The following FMN1 variants were observed in gnomAD, a reference collection of about 807,000 sequenced individuals.
FMN1 encodes formin 1.
A neutral mutation model predicts 132.4 loss-of-function variants in FMN1; 110 were observed. The observed-to-expected ratio is 0.83, with a 90% CI of 0.71 to 0.97. FMN1 has a LOEUF of 0.97. FMN1 is among the 50% of genes least tolerant of loss of function. The pLI is 0.00. For synonymous variants in FMN1, 722 were observed against 651.7 expected (o/e 1.11, Z -1.64); for missense variants, 1,792 against 1,705.3 (o/e 1.05, Z -0.90).
intron 4 of FMN1, chr15:33,106,274 C>CCACACACA (rs10538020): frequency 6.7e-6 from 1 of 149,372 alleles, no homozygotes; most frequent in African/African-American, 2.5e-5. Context: ...TAACCAGAAT[C>CCACACACA]CACACACACA....
chr15:33,081,352 T>C (rs1442962111), intron 5 of FMN1, among the ~76,000 whole-genome samples: 3 of 152,160 alleles, frequency 2.0e-5, no homozygotes, highest in African/African-American at 7.2e-5. Flanking sequence ...TTGGGGTACG[T>C]GTGATATTTT....
At chr15:33,075,404 G>C (rs2038168945) in intron 5 of FMN1, among the ~76,000 whole-genome samples, 1 of 152,088 alleles carries the variant, frequency 6.6e-6, no homozygotes, top group Admixed American at 6.6e-5. Flanking sequence ...ATGCACTTGG[G>C]CAGAAGGACT....
intron 9 of FMN1, among the ~76,000 whole-genome samples, chr15:32,942,777 A>T (rs1195233802): frequency 6.6e-6 from 1 of 152,206 alleles, no homozygotes; most frequent in Non-Finnish European, 1.5e-5. Context: ...GAGCCTGGCA[A>T]ATAAGCAGAG....
chr15:33,051,583 C>G (rs1170522861), intron 6 of FMN1, among the ~76,000 whole-genome samples: 1 of 152,102 alleles, frequency 6.6e-6, no homozygotes, highest in Non-Finnish European at 1.5e-5. Context: ...CAGCAGCTTC[C>G]TAGTAAGATC....
Position 32,767,762 on chromosome 15 carries a change from G to A in FMN1, c.*6548C>T, listed in dbSNP as rs976273144. 4.6e-5 allele frequency: 7 copies of A among 152,112 alleles called. No individual in the cohort carries two copies. The highest frequency in any genetic ancestry group is 1.0e-4 in the Non-Finnish European group (7 of 68,036). The allele number at this position is 152,112 out of a possible 1,614,324, so 9.4% of individuals were successfully genotyped here. A position where few individuals can be genotyped will look rare whatever the true frequency, so the allele number is the denominator to read the frequency against. Reference sequence around the variant, plus strand: ...CACAATTATAAATTTAATAATTTTGGAGTAGACCTATCCCTTAGGTAGATC... The same window carrying A: ...CACAATTATAAATTTAATAATTTTGAAGTAGACCTATCCCTTAGGTAGATC... On this transcript the variant is annotated 3_prime_UTR_variant, in exon 21 of 21. Transcript: ENST00000616417.
intron 5 of FMN1, among the ~76,000 whole-genome samples, chr15:33,074,483 C>T (rs193219049): frequency 7.5e-4 from 114 of 152,278 alleles, no homozygotes; most frequent in African/African-American, 2.6e-3. Context: ...CTTGCAAGGA[C>T]TGTGATTAAG....
At chr15:32,835,072 C>A (rs1046959689) in intron 17 of FMN1, among the ~76,000 whole-genome samples, 2 of 152,160 alleles carry the variant, frequency 1.3e-5, no homozygotes, top group African/African-American at 4.8e-5. Context: ...GGAAGCAGAG[C>A]AACATCAGAA....
chr15:33,026,007 A>G (rs1176793367), intron 6 of FMN1, among the ~76,000 whole-genome samples: 1 of 152,104 alleles, frequency 6.6e-6, no homozygotes, highest in African/African-American at 2.4e-5. Flanking sequence ...TAAAACTGGT[A>G]ATGTTTACAA....
At chr15:32,827,973 A>G (rs1265893067) in intron 17 of FMN1, among the ~76,000 whole-genome samples, 2 of 152,036 alleles carry the variant, frequency 1.3e-5, no homozygotes, top group Non-Finnish European at 2.9e-5. Context: ...TATTCACACA[A>G]CTGAATAATG....
intron 6 of FMN1, among the ~76,000 whole-genome samples, chr15:33,024,278 G>A (rs919864136): frequency 1.5e-4 from 18 of 117,324 alleles, no homozygotes; most frequent in African/African-American, 5.7e-4. Context: ...GTGGAGTCTC[G>A]CTCTGTCGCC....
chr15:33,035,104 C>T (rs1285354847), intron 6 of FMN1, among the ~76,000 whole-genome samples: 1 of 152,062 alleles, frequency 6.6e-6, no homozygotes, highest in Non-Finnish European at 1.5e-5. Flanking sequence ...ATTCAGGTGT[C>T]AACATATTTT....
At chr15:32,932,796 T>C (rs940080691) in intron 9 of FMN1, among the ~76,000 whole-genome samples, 15 of 152,208 alleles carry the variant, frequency 9.9e-5, no homozygotes, top group Admixed American at 9.8e-4. Flanking sequence ...TAATTGTTCA[T>C]AGTAGGTTCT....
At chr15:32,986,047 CAA>C (rs2033048059) in intron 7 of FMN1, among the ~76,000 whole-genome samples, 1 of 151,976 alleles carries the variant, frequency 6.6e-6, no homozygotes, top group Non-Finnish European at 1.5e-5. Flanking sequence ...CGCTGAGCAA[CAA>C]AAAGAGCCTT....
rs138910688 is a variant in FMN1 at position 32,845,535 on chromosome 15, G to A, written c.3928+11480C>T. Among the ~76,000 whole-genome samples, 561 of 152,206 alleles carry A rather than the reference G, an allele frequency of 3.7e-3. 12 individuals carry two copies. The highest frequency in any genetic ancestry group is 0.031 in the Admixed American group (475 of 15,292). On this transcript the variant is annotated intron_variant, in intron 17 of 20. Coordinates refer to ENST00000616417, the MANE Select transcript of FMN1 (RefSeq NM_001277313.2). ...CCTGGGACTCAAAAGAAACCAAGTG[G>A]TTCTCTAAGTTAGTAGGATGGCACA...
At chr15:32,858,149 G>A (rs1317346154) in intron 16 of FMN1, among the ~76,000 whole-genome samples, 5 of 152,138 alleles carry the variant, frequency 3.3e-5, no homozygotes, top group East Asian at 1.9e-4. Flanking sequence ...AAGGTATTTT[G>A]GAAGAAGGAG....
intron 16 of FMN1, among the ~76,000 whole-genome samples, chr15:32,863,532 G>A (rs193216999): frequency 1.3e-5 from 2 of 152,254 alleles, no homozygotes; most frequent in East Asian, 3.9e-4. Flanking sequence ...CAGATATTGG[G>A]GTTCCATCAG....
rs1224264062 is a variant in FMN1 at position 33,047,298 on chromosome 15, T to C, written c.2161+17659A>G. Among the ~76,000 whole-genome samples, 5 of 152,338 alleles carry C rather than the reference T, an allele frequency of 3.3e-5. No homozygotes were observed. The East Asian group carries it at 7.7e-4, about 23-fold the overall frequency. On this transcript the variant is annotated intron_variant, in intron 6 of 20. Coordinates refer to ENST00000616417, the MANE Select transcript of FMN1 (RefSeq NM_001277313.2). ...TTGCCACCTCTTTGAAAGTACCTCA[T>C]AGACTTGTGGTTAAGTCATAACCTT... is the stretch of plus-strand genomic sequence containing the variant.
chr15:33,119,585 G>A (rs1962358805), intron 4 of FMN1, among the ~76,000 whole-genome samples: 1 of 152,130 alleles, frequency 6.6e-6, no homozygotes, highest in East Asian at 1.9e-4. Context: ...TAAAAAACCA[G>A]CACTATTCTT....
Position 32,964,150 on chromosome 15 carries a change from T to TA in FMN1, c.3094_3095insT (p.Lys1032IlefsTer8). On this transcript the variant is annotated frameshift_variant, in exon 9 of 21. Coordinates refer to ENST00000616417, the MANE Select transcript of FMN1 (RefSeq NM_001277313.2). LOFTEE classifies it high-confidence loss of function. ...CTTCTCATAAGTCTCTGACAGAGGT[T>TA]TTTTCTTCTGTTGAGTTGTGTCTTT... 1 of 1,613,322 alleles carries TA rather than the reference T, an allele frequency of 6.2e-7. No homozygotes were observed. The highest frequency in any genetic ancestry group is 8.5e-7 in the Non-Finnish European group (1 of 1,179,554).
Sources: allele counts gnomAD v4.1 joint callset (sites outside exome capture counted in the v4.1 genomes callset), GRCh38; gene constraint gnomAD v4.1.1; transcripts MANE v1.5; gene names NCBI Gene and HGNC (gene_info 2026-07-23, HGNC 2026-07-21).